The following EIF3B variants were observed in gnomAD, a reference collection of about 807,000 sequenced individuals.
EIF3B encodes the protein eukaryotic translation initiation factor 3 subunit B, also known as eukaryotic translation initiation factor 3 subunit 9.
Under a neutral mutation model 104.6 loss-of-function variants are expected in EIF3B, and 10 were observed. The observed-to-expected ratio is 0.10, with a 90% confidence interval of 0.06 to 0.16. The LOEUF is 0.16. EIF3B is among the 10% of genes least tolerant of loss of function. The pLI, the probability that EIF3B is intolerant of heterozygous loss-of-function variation, is 1.00. For missense variants in EIF3B, 1,014 were observed against 1,087.9 expected (o/e 0.93, Z 0.96); for synonymous variants, 542 against 417.2 (o/e 1.30, Z -3.65).
At chr7:2,359,173 A>G (rs1264608034) in intron 1 of EIF3B, among the ~76,000 whole-genome samples, 1 of 152,196 alleles carries the variant, frequency 6.6e-6, no homozygotes, top group Non-Finnish European at 1.5e-5. Flanking sequence ...TAATTAAGAA[A>G]TGTGTATTTG....
At chr7:2,369,411 T>C in intron 9 of EIF3B, 61 bp from the exon 10 acceptor site, 1 of 1,554,492 alleles carries the variant, frequency 6.4e-7, no homozygotes. Context: ...TATTCTCTTC[T>C]GCTTTTCAGT....
chr7:2,374,122 A>G (rs1233873103), intron 12 of EIF3B: 1 of 159,884 alleles, frequency 6.3e-6, no homozygotes, highest in Non-Finnish European at 1.4e-5. Context: ...AAAGATGATG[A>G]CTGTAGTCAG....
At chr7:2,359,894 G>C (rs1321773371) in intron 1 of EIF3B, among the ~76,000 whole-genome samples, 1 of 152,232 alleles carries the variant, frequency 6.6e-6, no homozygotes. Flanking sequence ...TGTTACGTGA[G>C]TAGGAAAGAC....
chr7:2,379,342 G>A, intron 17 of EIF3B, 52 bp from the exon 18 acceptor site: 1 of 1,552,520 alleles, frequency 6.4e-7, no homozygotes, highest in Non-Finnish European at 8.8e-7. Context: ...GGCCTCGGCG[G>A]TGCCACTAGG....
chr7:2,366,233 C>CT, intron 6 of EIF3B, 84 bp from the exon 7 acceptor site: 11 of 1,443,748 alleles, frequency 7.6e-6, no homozygotes, highest in Non-Finnish European at 1.0e-5. Context: ...TCCGCGAGTT[C>CT]TGACGGCGTG....
At chr7:2,361,225 C>A (rs1779709334) in intron 2 of EIF3B, among the ~76,000 whole-genome samples, 1 of 152,022 alleles carries the variant, frequency 6.6e-6, no homozygotes, top group Non-Finnish European at 1.5e-5. Flanking sequence ...TAGCTGTACT[C>A]CAGTCTGGGT....
Position 2,369,480 on chromosome 7 carries a change from C to A in EIF3B, c.1412C>A (p.Ser471Tyr). The change falls in exon 10 of 19, where the codon TCT (serine) becomes TAT (tyrosine). Residue 471 changes from serine (S) to tyrosine (Y), a missense_variant. Physicochemically the swap from Ser to Tyr is moderately radical, Grantham distance 144. This residue lies in a region of EIF3B where 201 missense variants were observed against 240.7 expected (regional missense o/e 0.83). Transcript: ENST00000360876. ...ATTTTCCTGTTCTGCAGAGACTTTT[C>A]TTGGTCTCCTGGTGGTAACATAATC... is the stretch of plus-strand genomic sequence containing the variant. ...SLKISGIKDF[S>Y]WSPGGNIIAF... The A allele has an allele frequency of 6.2e-7, 1 of 1,614,204 alleles. No individual in the cohort carries two copies. The highest frequency in any genetic ancestry group is 8.5e-7 in the Non-Finnish European group (1 of 1,180,026).
chr7:2,355,512 C>G, intron 1 of EIF3B, 92 bp downstream of exon 1: 9 of 1,383,666 alleles, frequency 6.5e-6, no homozygotes, highest in Non-Finnish European at 8.4e-6. Flanking sequence ...GCCACCGGTT[C>G]GTGCAGAAGT....
intron 16 of EIF3B, 103 bp downstream of exon 16, chr7:2,378,869 C>A: frequency 1.9e-6 from 2 of 1,042,724 alleles, no homozygotes; most frequent in Non-Finnish European, 2.9e-6. Context: ...GTTGCCTCTG[C>A]TCCGAAGACA....
Position 2,375,440 on chromosome 7 carries a change from C to T in EIF3B, c.1941C>T (p.Asn647=), listed in dbSNP as rs779656268. ...ACACTTCGGACTGCACGGTCATGAA[C>T]ATCGCAGAGCACTACATGGCTTCCG... The part of the protein sequence containing the change: ...FVDTSDCTVM[N]IAEHYMASDV... The change falls in exon 14 of 19, where the codon AAC becomes AAT. Residue 647 remains asparagine, a synonymous_variant. Transcript: ENST00000360876. 59 of 1,614,108 alleles carry T rather than the reference C, an allele frequency of 3.7e-5. No homozygotes were observed. Among genetic ancestry groups the T allele is most frequent in the Non-Finnish European group, 4.1e-5 (48 of 1,180,038 alleles).
Position 2,366,586 on chromosome 7 carries a change from A to T in EIF3B, c.1351A>T (p.Thr451Ser). 6 of 1,613,344 alleles carry T rather than the reference A, an allele frequency of 3.7e-6. No individual in the cohort carries two copies. The highest frequency in any genetic ancestry group is 5.1e-6 in the Non-Finnish European group (6 of 1,179,816). The change falls in exon 8 of 19, where the codon ACT becomes TCT. Residue 451 changes from threonine to serine, a missense_variant. Physicochemically the swap from Thr to Ser is moderately conservative, Grantham distance 58 (BLOSUM62 1). Around this residue, in one of 4 missense-constraint regions of EIF3B, gnomAD observed 201 missense variants for 240.7 expected, o/e 0.83. Transcript: ENST00000360876. Reference sequence around the variant, plus strand: ...CCTGGATACGCTTAGCATCTATGAAACTCCTGTAAGTGGCCTCAGTGATGG... The same window carrying T: ...CCTGGATACGCTTAGCATCTATGAATCTCCTGTAAGTGGCCTCAGTGATGG... Reference protein sequence around the residue: ...MTLDTLSIYETPSMGLLDKKS... With the variant: ...MTLDTLSIYESPSMGLLDKKS...
chr7:2,365,168 C>G (rs564037901), intron 6 of EIF3B, among the ~76,000 whole-genome samples: 1 of 152,362 alleles, frequency 6.6e-6, no homozygotes, highest in South Asian at 2.1e-4. Context: ...ACAAGGTAGT[C>G]TTGAACCCCT....
intron 13 of EIF3B, chr7:2,375,070 T>C (rs1006624398): frequency 7.5e-6 from 3 of 401,592 alleles, no homozygotes; most frequent in African/African-American, 2.0e-5. Context: ...TGCTCTGAGT[T>C]AAAAGAATAC....
At chr7:2,374,419 C>T in intron 12 of EIF3B, 109 bp from the exon 13 acceptor site, 2 of 961,506 alleles carry the variant, frequency 2.1e-6, no homozygotes, top group Non-Finnish European at 3.2e-6. Context: ...CCAGCATTAC[C>T]AGCTCTGCCC....
chr7:2,374,323 T>A (rs1267891013), intron 12 of EIF3B: 2 of 497,676 alleles, frequency 4.0e-6, no homozygotes, highest in Non-Finnish European at 7.3e-6. Context: ...CCCTGTCGCA[T>A]CTTCTTTTTT....
Position 2,364,445 on chromosome 7 carries a change from C to G in EIF3B, c.1073C>G (p.Ala358Gly). ...GCTACCTTTCATCAAAGAGGCATTG[C>G]TCTATGGGGGGGAGAGAAATTCAAG... The part of the protein sequence containing the change: ...YLATFHQRGI[A>G]LWGGEKFKQI... The change falls in exon 6 of 19, where the codon GCT becomes GGT. Residue 358 changes from alanine (A) to glycine (G), a missense_variant. This residue lies in a region of EIF3B where 201 missense variants were observed against 240.7 expected (regional missense o/e 0.83). Transcript: ENST00000360876. 1 of 1,613,392 alleles carries G rather than the reference C, an allele frequency of 6.2e-7. No individual in the cohort carries two copies. Among genetic ancestry groups the G allele is most frequent in the Non-Finnish European group, 8.5e-7 (1 of 1,179,740 alleles).
At chr7:2,376,362 AGC>A (rs1780632164) in intron 14 of EIF3B, 1 of 151,074 alleles carries the variant, frequency 6.6e-6, no homozygotes, top group Non-Finnish European at 1.5e-5. Context: ...AGACTTTTTA[AGC>A]TGTTGACCAC....
rs552378097 is a variant in EIF3B, at chr7:2,373,166, G to A, written c.1810+371G>A. 181 of 169,556 alleles carry A rather than the reference G, an allele frequency of 1.1e-3. 1 individual carries two copies. Among genetic ancestry groups the A allele is most frequent in the African/African-American group, 4.2e-3 (175 of 42,148 alleles). 10.5% of individuals were successfully genotyped at this position (169,556 alleles called of 1,614,324 possible). On this transcript the variant is annotated intron_variant, in intron 12 of 18. Coordinates refer to ENST00000360876, the MANE Select transcript of EIF3B (RefSeq NM_001037283.2). ...GTCTGGGTCAGGTGCCTTTGACCAG[G>A]GTGCGCAGAGCTGTTGCACACAGCT...
intron 8 of EIF3B, 55 bp downstream of exon 8, chr7:2,366,646 G>C (rs1432816031): frequency 1.9e-6 from 3 of 1,587,002 alleles, no homozygotes; most frequent in African/African-American, 2.7e-5. Context: ...TGTAACCGGG[G>C]TGTGGTGCCT....
Sources: gnomAD v4.1 joint callset for allele counts (sites outside exome capture counted in the v4.1 genomes callset) on GRCh38, gnomAD v4.1.1 for gene constraint, gnomAD v4.1.1 regional missense constraint, MANE v1.5 for transcripts, NCBI Gene and HGNC (gene_info 2026-07-23, HGNC 2026-07-21) for gene names.